NAALADL2: variants seen among roughly 807,000 people sequenced by gnomAD.
NAALADL2 encodes the protein inactive N-acetylated-alpha-linked acidic dipeptidase-like protein 2.
NAALADL2 carries 76 observed loss-of-function variants against 87.2 expected under a neutral mutation model. That is an observed-to-expected ratio of 0.87 (90% CI 0.72 to 1.05). NAALADL2 has a LOEUF of 1.05. NAALADL2 is among the 50% of genes least tolerant of loss of function. The pLI is 0.00. For synonymous variants in NAALADL2, 354 were observed against 331.0 expected, an observed-to-expected ratio of 1.07 and a Z score of -0.75; for missense variants, 1,089 against 945.8, an observed-to-expected ratio of 1.15 and a Z score of -1.99.
At chr3:174,632,038 A>G (rs1722162104) in intron 2 of NAALADL2, 1 of 152,248 alleles carries the variant, frequency 6.6e-6, no homozygotes, top group Non-Finnish European at 1.5e-5. Flanking sequence ...AGACTTGTTC[A>G]TAATTTATTC....
At chr3:175,199,166 C>A (rs1739437309) in intron 2 of NAALADL2, among the ~76,000 whole-genome samples, 1 of 152,154 alleles carries the variant, frequency 6.6e-6, no homozygotes, top group African/African-American at 2.4e-5. Context: ...CAAAAGAGCG[C>A]AGAGCTTTCT....
intron 5 of NAALADL2, among the ~76,000 whole-genome samples, chr3:175,358,029 A>G (rs1357871270): frequency 2.6e-5 from 4 of 152,206 alleles, no homozygotes; most frequent in African/African-American, 9.6e-5. Flanking sequence ...TATCAAATGT[A>G]GAAAAGCTCT....
chr3:175,533,341 TTAGTC>T (rs1337006781), intron 9 of NAALADL2, among the ~76,000 whole-genome samples: 4 of 152,214 alleles, frequency 2.6e-5, no homozygotes, highest in Non-Finnish European at 5.9e-5. Flanking sequence ...CACTGGGACT[TTAGTC>T]TAGTTATAGG....
chr3:174,820,916 C>G (rs1000261963), intron 3 of NAALADL2, among the ~76,000 whole-genome samples: 3 of 152,040 alleles, frequency 2.0e-5, no homozygotes, highest in Admixed American at 2.0e-4. Flanking sequence ...CACAGAAAGC[C>G]TCGTTCACAG....
intron 11 of NAALADL2, among the ~76,000 whole-genome samples, chr3:175,707,346 T>C (rs1739857176): frequency 6.6e-6 from 1 of 152,128 alleles, no homozygotes; most frequent in Admixed American, 6.6e-5. Context: ...TCATGAAATA[T>C]TGTTCTTTTT....
intron 1 of NAALADL2, among the ~76,000 whole-genome samples, chr3:174,490,553 T>C (rs1266950567): frequency 6.6e-6 from 1 of 152,146 alleles, no homozygotes; most frequent in African/African-American, 2.4e-5. Context: ...GTATGTGAAT[T>C]AGATCTCAAT....
intron 2 of NAALADL2, among the ~76,000 whole-genome samples, chr3:174,654,880 C>T (rs752200731): frequency 6.6e-5 from 10 of 152,146 alleles, no homozygotes; most frequent in Admixed American, 2.6e-4. Flanking sequence ...GGACTACAGG[C>T]GCCCACCACC....
At chr3:175,658,761 T>A (rs1352190565) in intron 11 of NAALADL2, among the ~76,000 whole-genome samples, 4 of 152,172 alleles carry the variant, frequency 2.6e-5, no homozygotes, top group Admixed American at 6.5e-5. Context: ...TCATTGTAAT[T>A]TGAACTGAAC....
chr3:174,441,521 G>A (rs1310122166), intron 1 of NAALADL2, among the ~76,000 whole-genome samples: 1 of 152,130 alleles, frequency 6.6e-6, no homozygotes, highest in East Asian at 1.9e-4. Flanking sequence ...GCGCAGCACA[G>A]TTCCGCCCCC....
At chr3:175,119,689 GTA>G (rs71691676) in intron 2 of NAALADL2, among the ~76,000 whole-genome samples, 4 of 38,144 alleles carry the variant, frequency 1.0e-4, no homozygotes, top group Admixed American at 2.5e-4. Flanking sequence ...AGTAAGGTGT[GTA>G]TATATAGATA....
At chr3:174,545,329 C>T (rs765199234) in intron 1 of NAALADL2, among the ~76,000 whole-genome samples, 4 of 152,164 alleles carry the variant, frequency 2.6e-5, no homozygotes, top group Non-Finnish European at 5.9e-5. Context: ...AGGTAACTGT[C>T]GTCCTGGAAC....
At chr3:174,517,538 A>G (rs1455465561) in intron 1 of NAALADL2, among the ~76,000 whole-genome samples, 1 of 152,074 alleles carries the variant, frequency 6.6e-6, no homozygotes, top group African/African-American at 2.4e-5. Context: ...ATCTGAAGAA[A>G]ATCTAGATGA....
chr3:174,480,232 C>T (rs1486874887), intron 1 of NAALADL2, among the ~76,000 whole-genome samples: 1 of 152,128 alleles, frequency 6.6e-6, no homozygotes. Context: ...ATACATTTGT[C>T]TGCCTGAGCA....
intron 5 of NAALADL2, among the ~76,000 whole-genome samples, chr3:175,418,891 T>C (rs758642054): frequency 6.6e-6 from 1 of 152,078 alleles, no homozygotes; most frequent in Non-Finnish European, 1.5e-5. Flanking sequence ...TCAAAGACAC[T>C]TGAATTTTGA....
At chr3:175,668,380 G>A (rs778939722) in intron 11 of NAALADL2, among the ~76,000 whole-genome samples, 6 of 151,930 alleles carry the variant, frequency 3.9e-5, no homozygotes, top group Non-Finnish European at 8.8e-5. Flanking sequence ...GAATAGCATT[G>A]TAATTTAACT....
intron 1 of NAALADL2, among the ~76,000 whole-genome samples, chr3:175,061,643 G>A (rs780749092): frequency 6.6e-6 from 1 of 150,876 alleles, no homozygotes; most frequent in African/African-American, 2.4e-5. Context: ...CTCAGTCTTA[G>A]GAAACATAGA....
intron 11 of NAALADL2, among the ~76,000 whole-genome samples, chr3:175,642,654 C>T (rs1283399696): frequency 2.0e-5 from 3 of 152,138 alleles, no homozygotes; most frequent in African/African-American, 7.2e-5. Context: ...GCACCCGCCA[C>T]CACGCCCAGC....
chr3:174,937,909 T>C (rs190513806), intron 1 of NAALADL2, among the ~76,000 whole-genome samples: 37 of 152,220 alleles, frequency 2.4e-4, no homozygotes, highest in Non-Finnish European at 5.1e-4. Flanking sequence ...AGAAAAATAT[T>C]TCTAGAAAGT....
At chr3:175,615,243 T>C (rs1424387543) in intron 10 of NAALADL2, among the ~76,000 whole-genome samples, 1 of 152,210 alleles carries the variant, frequency 6.6e-6, no homozygotes, top group Non-Finnish European at 1.5e-5. Context: ...AAGTGAGTCC[T>C]ATGCTTGCAT....
Sources: gnomAD v4.1 joint callset for allele counts (sites outside exome capture counted in the v4.1 genomes callset) on GRCh38, gnomAD v4.1.1 for gene constraint, MANE v1.5 for transcripts, NCBI Gene and HGNC (gene_info 2026-07-23, HGNC 2026-07-21) for gene names.